OXR1: variants seen among roughly 807,000 people sequenced by gnomAD.
The protein encoded by OXR1 is oxidation resistance 1.
A neutral mutation model predicts 104.6 loss-of-function variants in OXR1; 41 were observed. The ratio of observed to expected loss-of-function variants is 0.39; its 90% CI spans 0.31 to 0.51. The LOEUF (loss-of-function observed/expected upper bound fraction) is 0.51, where lower values mean the gene tolerates loss of function less well. Ranked by LOEUF, OXR1 falls within the 20% of genes least tolerant of loss-of-function variation. OXR1 has a pLI of 0.77. For missense variants in OXR1, 955 were observed against 1,031.9 expected (o/e 0.93, Z 1.02); for synonymous variants, 348 against 348.4 (o/e 1.00, Z 0.01).
chr8:106,693,273 T>C (rs148520272), intron 7 of OXR1, among the ~76,000 whole-genome samples: 2 of 152,218 alleles, frequency 1.3e-5, no homozygotes, highest in East Asian at 3.9e-4. Context: ...ATTTGAGGTA[T>C]CTTAATTATT....
intron 6 of OXR1, among the ~76,000 whole-genome samples, chr8:106,690,608 A>G (rs1247702523): frequency 6.6e-6 from 1 of 151,488 alleles, no homozygotes; most frequent in Non-Finnish European, 1.5e-5. Context: ...CCAGATGGAA[A>G]CATTATTTCC....
chr8:106,337,599 A>G (rs1315776242), intron 1 of OXR1, among the ~76,000 whole-genome samples: 1 of 152,208 alleles, frequency 6.6e-6, no homozygotes, highest in African/African-American at 2.4e-5. Flanking sequence ...AACTTCTCAG[A>G]TGCCTATTGA....
chr8:106,680,091 T>C (rs1427097330), intron 4 of OXR1, among the ~76,000 whole-genome samples: 1 of 152,094 alleles, frequency 6.6e-6, no homozygotes, highest in Non-Finnish European at 1.5e-5. Flanking sequence ...TCTTTAAAAT[T>C]GAACAAATTA....
At chr8:106,473,967 T>TTATATATTA (rs952731976) in intron 2 of OXR1, among the ~76,000 whole-genome samples, 1 of 145,524 alleles carries the variant, frequency 6.9e-6, no homozygotes, top group African/African-American at 2.5e-5. Context: ...ATGAATCTAG[T>TTATATATTA]TATATATTAT....
intron 2 of OXR1, among the ~76,000 whole-genome samples, chr8:106,479,938 A>G (rs919141174): frequency 2.0e-5 from 3 of 152,044 alleles, no homozygotes; most frequent in Non-Finnish European, 4.4e-5. Context: ...GCATATTTAC[A>G]GTGCAATGTT....
intron 1 of OXR1, among the ~76,000 whole-genome samples, chr8:106,302,102 C>G (rs752944140): frequency 2.0e-5 from 3 of 152,148 alleles, no homozygotes; most frequent in Non-Finnish European, 4.4e-5. Flanking sequence ...GGCCTCCTAA[C>G]TTTATAAAGA....
intron 6 of OXR1, among the ~76,000 whole-genome samples, chr8:106,685,377 A>G (rs1416650560): frequency 6.6e-6 from 1 of 152,178 alleles, no homozygotes; most frequent in South Asian, 2.1e-4. Flanking sequence ...CTGTAGCATC[A>G]TGCCTGACTA....
At chr8:106,366,408 A>G (rs894102764) in intron 2 of OXR1, among the ~76,000 whole-genome samples, 1 of 152,202 alleles carries the variant, frequency 6.6e-6, no homozygotes, top group African/African-American at 2.4e-5. Flanking sequence ...GGACTTGAAC[A>G]ATTAGGTAAA....
intron 3 of OXR1, among the ~76,000 whole-genome samples, chr8:106,546,336 T>A (rs577362246): frequency 1.3e-5 from 2 of 152,368 alleles, no homozygotes; most frequent in South Asian, 4.1e-4. Context: ...CTTCTGTCAT[T>A]GCATTCCCAG....
At chr8:106,672,738 A>G (rs1827173615) in intron 3 of OXR1, among the ~76,000 whole-genome samples, 1 of 152,064 alleles carries the variant, frequency 6.6e-6, no homozygotes, top group African/African-American at 2.4e-5. Context: ...TCATGGGGGC[A>G]GTTTCCCCCA....
At chr8:106,573,447 G>A (rs1439807890) in intron 3 of OXR1, among the ~76,000 whole-genome samples, 1 of 151,984 alleles carries the variant, frequency 6.6e-6, no homozygotes, top group African/African-American at 2.4e-5. Context: ...TGAGTGAAAT[G>A]CCAAAAGCAG....
At chr8:106,417,327 G>A (rs1182284778) in intron 2 of OXR1, among the ~76,000 whole-genome samples, 1 of 152,092 alleles carries the variant, frequency 6.6e-6, no homozygotes, top group Admixed American at 6.6e-5. Flanking sequence ...TGGTTATGAG[G>A]ATAAATTGTG....
chr8:106,627,277 C>T (rs899531872), intron 3 of OXR1, among the ~76,000 whole-genome samples: 7 of 152,132 alleles, frequency 4.6e-5, no homozygotes, highest in Middle Eastern at 3.4e-3. Context: ...GAGTAGCCTT[C>T]GACATGTCTT....
intron 1 of OXR1, among the ~76,000 whole-genome samples, chr8:106,293,689 C>G (rs1016782171): frequency 5.9e-5 from 9 of 152,158 alleles, no homozygotes; most frequent in Non-Finnish European, 1.3e-4. Flanking sequence ...GGCCTTTTTA[C>G]TGTATCCTCA....
At chr8:106,584,686 T>C (rs1818500228) in intron 3 of OXR1, among the ~76,000 whole-genome samples, 1 of 152,154 alleles carries the variant, frequency 6.6e-6, no homozygotes. Context: ...GCCATTTTCA[T>C]ATATGCACAT....
chr8:106,387,831 T>A (rs544791790), intron 2 of OXR1, among the ~76,000 whole-genome samples: 1 of 152,292 alleles, frequency 6.6e-6, no homozygotes, highest in South Asian at 2.1e-4. Flanking sequence ...ATGCATCACA[T>A]CAGTACTAAG....
At chr8:106,711,694 G>T (rs1587194991) in intron 10 of OXR1, among the ~76,000 whole-genome samples, 1 of 152,110 alleles carries the variant, frequency 6.6e-6, no homozygotes, top group East Asian at 1.9e-4. Flanking sequence ...TACAACAGCA[G>T]TAATCAGAAC....
chr8:106,364,707 T>C (rs1816393785), intron 2 of OXR1, among the ~76,000 whole-genome samples: 2 of 152,232 alleles, frequency 1.3e-5, no homozygotes, highest in African/African-American at 4.8e-5. Context: ...TTACTTATAA[T>C]ATTTATGTCT....
intron 7 of OXR1, among the ~76,000 whole-genome samples, chr8:106,698,433 A>C (rs1010913136): frequency 6.6e-6 from 1 of 152,066 alleles, no homozygotes; most frequent in Admixed American, 6.6e-5. Flanking sequence ...TTTATAGTTC[A>C]TGCCAAATTT....
Sources: allele counts gnomAD v4.1 joint callset (sites outside exome capture counted in the v4.1 genomes callset), GRCh38; gene constraint gnomAD v4.1.1; transcripts MANE v1.5; gene names NCBI Gene and HGNC (gene_info 2026-07-23, HGNC 2026-07-21).